Variants in PTPRH observed in about 807,000 individuals in gnomAD.
PTPRH encodes receptor-type tyrosine-protein phosphatase H.
PTPRH carries 113 observed loss-of-function variants against 130.2 expected under a neutral mutation model. The observed-to-expected ratio is 0.87, with a 90% CI of 0.75 to 1.01. The LOEUF is 1.01. Among genes scored for constraint, PTPRH ranks in the 50% least tolerant of loss-of-function variants. The probability of loss-of-function intolerance (pLI) is 0.00; values close to 1 mark genes in which losing one functional copy is unlikely to be tolerated. For synonymous variants in PTPRH, 556 were observed against 577.9 expected, an observed-to-expected ratio of 0.96 and a Z score of 0.54; for missense variants, 1,430 against 1,425.0, an observed-to-expected ratio of 1.00 and a Z score of -0.06.
chr19:55,196,869 G>GT, intron 9 of PTPRH, 81 bp from the exon 10 acceptor site: 1 of 1,519,412 alleles, frequency 6.6e-7, no homozygotes, highest in Non-Finnish European at 8.9e-7. Context: ...AGTTTTCTGA[G>GT]ACGAGCCCAT....
At chr19:55,206,173 C>T (rs1369703788) in intron 3 of PTPRH, among the ~76,000 whole-genome samples, 1 of 150,910 alleles carries the variant, frequency 6.6e-6, no homozygotes, top group Non-Finnish European at 1.5e-5. Flanking sequence ...GCAAAGGTTG[C>T]AGTGAACCAA....
intron 10 of PTPRH, among the ~76,000 whole-genome samples, chr19:55,193,504 G>T (rs2086600512): frequency 6.6e-6 from 1 of 152,176 alleles, no homozygotes; most frequent in African/African-American, 2.4e-5. Context: ...TTCTCAACAA[G>T]GGTGATTTTG....
chr19:55,185,663 C>T lies in PTPRH; in HGVS notation c.2902-1G>A. 2 of 1,613,770 alleles carry T rather than the reference C, an allele frequency of 1.2e-6. No individual in the cohort carries two copies. The highest frequency in any genetic ancestry group is 1.7e-6 in the Non-Finnish European group (2 of 1,179,752). ...CAGACAGTGTCTTCTGCTCCTCCACCTGGAAGGAGGGAGCACTCACAGGCT... is the reference window on the plus strand; with the variant it reads ...CAGACAGTGTCTTCTGCTCCTCCACTTGGAAGGAGGGAGCACTCACAGGCT... On this transcript the variant is annotated splice_acceptor_variant, in intron 17 of 19. Transcript: ENST00000376350. LOFTEE classifies it high-confidence loss of function.
In PTPRH at chr19:55,185,999, G is replaced by A. The variant is rs1305726428; in HGVS notation, c.2779-15C>T. Reference sequence around the variant, plus strand: ...TCACACTTCACCTGGGGGAGGAGGAGGGGTCAGAGAACACAACTCCTCTTA... The same window carrying A: ...TCACACTTCACCTGGGGGAGGAGGAAGGGTCAGAGAACACAACTCCTCTTA... On this transcript the variant is annotated splice_polypyrimidine_tract_variant and intron_variant, in intron 16 of 19. Transcript: ENST00000376350. 6.2e-7 allele frequency: 1 copy of A among 1,613,740 alleles called. No homozygotes were observed. Among genetic ancestry groups the A allele is most frequent in the Non-Finnish European group, 8.5e-7 (1 of 1,179,888 alleles).
intron 10 of PTPRH, 80 bp downstream of exon 10, chr19:55,196,442 A>G (rs1465984036): frequency 1.4e-6 from 2 of 1,454,812 alleles, no homozygotes; most frequent in Admixed American, 2.1e-5. Flanking sequence ...AAAGAGTCCC[A>G]CTGATTTCCT....
In PTPRH at chr19:55,205,443, T is replaced by G; in HGVS notation, c.502A>C (p.Thr168Pro). The G allele has an allele frequency of 6.2e-7, 1 of 1,614,170 alleles. No individual in the cohort carries two copies. The highest frequency in any genetic ancestry group is 8.5e-7 in the Non-Finnish European group (1 of 1,180,034). ...TCCACGGTGATGTTAGTGTGTGCTGTGCTTCGAGTCCCTGCTCTGCCACCA... is the reference window on the plus strand; with the variant it reads ...TCCACGGTGATGTTAGTGTGTGCTGGGCTTCGAGTCCCTGCTCTGCCACCA... ...GDGGRAGTRS[T>P]AHTNITVDGL... The change falls in exon 4 of 20, where the codon ACA becomes CCA. Residue 168 changes from threonine (T) to proline (P), a missense_variant. By Grantham distance (38) the Thr-to-Pro change is conservative (BLOSUM62 -1). Transcript: ENST00000376350.
chr19:55,204,607 C>T lies in PTPRH; in HGVS notation c.620-559G>A, dbSNP rs141964447. Among the ~76,000 whole-genome samples the T allele has an allele frequency of 2.4e-3, 363 of 152,144 alleles. 2 individuals are homozygous for T. The highest frequency in any genetic ancestry group is 0.02 in the Middle Eastern group (6 of 294). On this transcript the variant is annotated intron_variant, in intron 4 of 19. Coordinates refer to ENST00000376350, the MANE Select transcript of PTPRH (RefSeq NM_002842.5). ...CACTCCCCCCCACCCTTTTTCTCCC[C>T]CACCAGTGTCACTTGCCAATGTATT... is the stretch of plus-strand genomic sequence containing the variant.
Position 55,198,800 on chromosome 19 carries a change from T to C in PTPRH, c.1533A>G (p.Ser511=). The change falls in exon 8 of 20, where the codon TCA becomes TCG. Residue 511 remains serine (S), a synonymous_variant. Coordinates refer to ENST00000376350, the MANE Select transcript of PTPRH (RefSeq NM_002842.5). ...PGQSSYSYWV[S]WVREGMTDPR... is the part of the protein sequence containing the mutation. ...GGTCAGTCATGCCTTCCCTGACCCA[T>C]GAGACCCAGTAGCTGTAGGAAGACT... 1 of 1,612,046 alleles carries C rather than the reference T, an allele frequency of 6.2e-7. No individual in the cohort carries two copies. The highest frequency in any genetic ancestry group is 1.1e-5 in the South Asian group (1 of 90,812).
chr19:55,201,657 G>A (rs2086867147), intron 6 of PTPRH, among the ~76,000 whole-genome samples: 1 of 152,224 alleles, frequency 6.6e-6, no homozygotes, highest in South Asian at 2.1e-4. Flanking sequence ...TCATGGAGCT[G>A]ATGATCTGAG....
intron 12 of PTPRH, chr19:55,189,676 G>A: frequency 2.2e-6 from 1 of 455,992 alleles, no homozygotes; most frequent in South Asian, 1.5e-5. Flanking sequence ...AGCTTTCCTT[G>A]AATATCCTGC....
intron 4 of PTPRH, among the ~76,000 whole-genome samples, chr19:55,204,680 T>A (rs1389022118): frequency 6.6e-6 from 1 of 150,928 alleles, no homozygotes; most frequent in Non-Finnish European, 1.5e-5. Context: ...TGGACCACAC[T>A]TTGAGTAACA....
chr19:55,187,436 G>A (rs898190654), intron 14 of PTPRH, 77 bp downstream of exon 14: 76 of 1,134,384 alleles, frequency 6.7e-5, no homozygotes, highest in East Asian at 1.3e-4. Context: ...TTCTCAAAGC[G>A]GGTAGGAGAA....
intron 18 of PTPRH, 148 bp from the exon 19 acceptor site, chr19:55,182,299 G>A: frequency 1.0e-6 from 1 of 973,798 alleles, no homozygotes; most frequent in Non-Finnish European, 1.5e-6. Flanking sequence ...GCTGAGGCCG[G>A]TGGATCACCC....
chr19:55,185,326 C>A (rs1374402546), intron 18 of PTPRH, among the ~76,000 whole-genome samples, 176 bp downstream of exon 18: 2 of 152,132 alleles, frequency 1.3e-5, no homozygotes, highest in Non-Finnish European at 2.9e-5. Context: ...ATCTTTTCAT[C>A]CTTATCCCCT....
chr19:55,199,934 GAGAAAGGAAGGA>G (rs1379906822), intron 7 of PTPRH, among the ~76,000 whole-genome samples: 2 of 151,016 alleles, frequency 1.3e-5, no homozygotes, highest in Admixed American at 6.6e-5. Context: ...GAGAGAAAGC[GAGAAAGGAAGGA>G]AGAAAGGAAG....
In PTPRH at chr19:55,203,923, C is replaced by T; in HGVS notation, c.745G>A (p.Gly249Ser). The change falls in exon 5 of 20, where the codon GGT becomes AGT. Residue 249 changes from glycine to serine, a missense_variant. Coordinates refer to ENST00000376350, the MANE Select transcript of PTPRH (RefSeq NM_002842.5). ...GTGTTTCGAGTCTCTGTTCTGCCAC[C>T]ATCTCCAGTGCACTGAACGCAGTAG... ...STYCVQCTGD[G>S]GRTETRNTTD... The T allele has an allele frequency of 6.2e-7, 1 of 1,614,160 alleles. No individual in the cohort carries two copies.
At chr19:55,193,979 G>A (rs927974279) in intron 10 of PTPRH, 14 of 364,276 alleles carry the variant, frequency 3.8e-5, no homozygotes, top group Non-Finnish European at 6.2e-5. Context: ...CTCCTGAGTA[G>A]TTGGGATGAC....
At position 55,196,790 on chromosome 19, in the gene PTPRH, T is replaced by C; in HGVS notation, c.1991-2A>G. The C allele has an allele frequency of 6.2e-7, 1 of 1,610,366 alleles. No homozygotes were observed. Among genetic ancestry groups the C allele is most frequent in the Non-Finnish European group, 8.5e-7 (1 of 1,176,918 alleles). Reference sequence around the variant, plus strand: ...AAGTGATGGTGACTGTGTCTGGGTCTGGGTGAAGGAAGCAAGAGGTCAGCA... The same window carrying C: ...AAGTGATGGTGACTGTGTCTGGGTCCGGGTGAAGGAAGCAAGAGGTCAGCA... On this transcript the variant is annotated splice_acceptor_variant, in intron 9 of 19. Transcript: ENST00000376350. LOFTEE classifies it high-confidence loss of function.
chr19:55,193,839 T>C (rs1343256381), intron 10 of PTPRH, among the ~76,000 whole-genome samples: 1 of 126,030 alleles, frequency 7.9e-6, no homozygotes, highest in Non-Finnish European at 1.6e-5. Flanking sequence ...TGGTGGTGTC[T>C]TTTTTTTTTT....
Sources: allele counts gnomAD v4.1 joint callset (sites outside exome capture counted in the v4.1 genomes callset), GRCh38; gene constraint gnomAD v4.1.1; transcripts MANE v1.5; gene names NCBI Gene and HGNC (gene_info 2026-07-23, HGNC 2026-07-21).